TTLL5: variants seen among roughly 807,000 people sequenced by gnomAD.
The protein encoded by TTLL5 is tubulin tyrosine ligase like 5, also known as tubulin polyglutamylase TTLL5.
In TTLL5, 132 loss-of-function variants were observed where a neutral mutation model predicts 168.4. That is an observed-to-expected ratio of 0.78 (90% CI 0.68 to 0.91). The LOEUF (loss-of-function observed/expected upper bound fraction) is 0.91. Ranked by LOEUF, TTLL5 falls within the 40% of genes least tolerant of loss-of-function variation. The pLI is 0.00. For synonymous variants in TTLL5, 546 were observed against 558.6 expected, an observed-to-expected ratio of 0.98 and a Z score of 0.32; for missense variants, 1,545 against 1,581.5, an observed-to-expected ratio of 0.98 and a Z score of 0.39.
intron 31 of TTLL5, among the ~76,000 whole-genome samples, chr14:75,939,630 C>T (rs934616145): frequency 6.6e-6 from 1 of 152,166 alleles, no homozygotes; most frequent in Non-Finnish European, 1.5e-5. Flanking sequence ...TTCAAGCGAT[C>T]CTCCTGCCTC....
intron 31 of TTLL5, among the ~76,000 whole-genome samples, chr14:75,948,704 T>C (rs976901454): frequency 1.3e-5 from 2 of 151,804 alleles, no homozygotes; most frequent in Non-Finnish European, 2.9e-5. Flanking sequence ...AATAAAGATA[T>C]AGAGGAAAAT....
At chr14:75,886,846 C>T in intron 30 of TTLL5, 1 of 1,524,468 alleles carries the variant, frequency 6.6e-7, no homozygotes. Flanking sequence ...ATCATACTCT[C>T]CAGGAAATAT....
intron 18 of TTLL5, among the ~76,000 whole-genome samples, chr14:75,754,277 G>C (rs1890117619): frequency 6.6e-6 from 1 of 152,084 alleles, no homozygotes; most frequent in South Asian, 2.1e-4. Context: ...ATTTTAGATT[G>C]TTTAAAGTTC....
At chr14:75,691,163 A>G (rs955762508) in intron 6 of TTLL5, among the ~76,000 whole-genome samples, 1 of 152,192 alleles carries the variant, frequency 6.6e-6, no homozygotes, top group Non-Finnish European at 1.5e-5. Flanking sequence ...CCAAATAGGC[A>G]CCTAAGTGTC....
rs550286166 is a variant in TTLL5, at chr14:75,903,771, G to A, written c.3823+1547G>A. Among the ~76,000 whole-genome samples the A allele has an allele frequency of 1.3e-4, 20 of 151,560 alleles. 1 individual carries two copies. In the South Asian group the frequency reaches 3.8e-3, roughly 29 times the overall value. ...TTAGCCAGGTGTGGTGTGACATGCCGCTAGTCCTAGCTACTCAAGAGGCTG... is the reference window on the plus strand; with the variant it reads ...TTAGCCAGGTGTGGTGTGACATGCCACTAGTCCTAGCTACTCAAGAGGCTG... On this transcript the variant is annotated intron_variant, in intron 31 of 31. Coordinates refer to ENST00000298832, the MANE Select transcript of TTLL5 (RefSeq NM_015072.5).
At chr14:75,852,866 A>C (rs1206307617) in intron 28 of TTLL5, among the ~76,000 whole-genome samples, 3 of 152,198 alleles carry the variant, frequency 2.0e-5, no homozygotes, top group African/African-American at 4.8e-5. Context: ...ACTGACAGTT[A>C]TTAACAGTTA....
intron 6 of TTLL5, among the ~76,000 whole-genome samples, chr14:75,696,490 T>C (rs188598292): frequency 6.6e-6 from 1 of 152,272 alleles, no homozygotes; most frequent in East Asian, 1.9e-4. Context: ...CTGGGGAAAA[T>C]GGCAAAGTGA....
chr14:75,907,270 T>C (rs2033182797), intron 31 of TTLL5, among the ~76,000 whole-genome samples: 1 of 152,182 alleles, frequency 6.6e-6, no homozygotes, highest in Non-Finnish European at 1.5e-5. Context: ...CAAAAAAAGC[T>C]CATACACCGA....
At chr14:75,873,743 C>T (rs1000254114) in intron 29 of TTLL5, among the ~76,000 whole-genome samples, 29 of 152,076 alleles carry the variant, frequency 1.9e-4, no homozygotes, top group Non-Finnish European at 4.1e-4. Context: ...GTTCCTTTTA[C>T]ATCTTGGCTA....
intron 26 of TTLL5, among the ~76,000 whole-genome samples, chr14:75,791,801 A>G (rs1892745254): frequency 1.3e-5 from 2 of 152,340 alleles, no homozygotes; most frequent in Admixed American, 1.3e-4. Context: ...TTATATTAGC[A>G]TTAATTTTAA....
At chr14:75,691,107 C>G (rs999766741) in intron 6 of TTLL5, among the ~76,000 whole-genome samples, 1 of 152,122 alleles carries the variant, frequency 6.6e-6, no homozygotes, top group Non-Finnish European at 1.5e-5. Context: ...TAGTCACATT[C>G]TCTCCCCTTT....
At chr14:75,675,062 GT>G (rs1218859834) in intron 3 of TTLL5, among the ~76,000 whole-genome samples, 1 of 151,940 alleles carries the variant, frequency 6.6e-6, no homozygotes, top group Non-Finnish European at 1.5e-5. Flanking sequence ...ATACTCAATT[GT>G]TTCTTCCCCT....
intron 31 of TTLL5, among the ~76,000 whole-genome samples, chr14:75,948,609 G>T (rs1343809918): frequency 2.0e-5 from 3 of 152,030 alleles, no homozygotes; most frequent in African/African-American, 7.2e-5. Context: ...GAAAGTTAAT[G>T]TGCCAAGTAT....
At position 75,882,907 on chromosome 14, in the gene TTLL5, G is replaced by GT. The variant is rs1447080954; in HGVS notation, c.3740+12dup. On this transcript the variant is annotated splice_donor_region_variant and intron_variant, in intron 30 of 31. Transcript: ENST00000298832. ...AACATCCCAGAAAGCTTCCAAGTAA[G>GT]TTTTTTTCTGTTCAATTTCTACTGA... The GT allele has an allele frequency of 2.5e-6, 4 of 1,613,040 alleles. No individual in the cohort carries two copies. The highest frequency in any genetic ancestry group is 2.7e-5 in the African/African-American group (2 of 74,868).
chr14:75,863,880 TTTTCC>T lies in TTLL5; in HGVS notation c.3522+19_3522+23del. On this transcript the variant is annotated intron_variant, in intron 29 of 31. Coordinates refer to ENST00000298832, the MANE Select transcript of TTLL5 (RefSeq NM_015072.5). ...GGCACCAGGTAATTCAAGATAAGTC[TTTTCC>T]ATGTGTTATATCTTCCTGCTGTTGG... 2 of 1,489,922 alleles carry T rather than the reference TTTTCC, an allele frequency of 1.3e-6. No homozygotes were observed. The highest frequency in any genetic ancestry group is 1.8e-6 in the Non-Finnish European group (2 of 1,103,546). The allele number at this position is 1,489,922 out of a possible 1,614,324, so 92.3% of individuals were successfully genotyped here.
intron 9 of TTLL5, chr14:75,711,208 G>C (rs957034783): frequency 2.6e-5 from 4 of 152,168 alleles, no homozygotes; most frequent in Admixed American, 2.0e-4. Context: ...TGTTGCAATT[G>C]TCCCCCTGGT....
At chr14:75,764,524 T>C in intron 18 of TTLL5, 91 bp from the exon 19 acceptor site, 2 of 1,473,964 alleles carry the variant, frequency 1.4e-6, no homozygotes, top group Middle Eastern at 1.8e-4. Flanking sequence ...ATGTCCAGTA[T>C]GTCAGCATTA....
chr14:75,687,414 C>T (rs1244958452), intron 5 of TTLL5, among the ~76,000 whole-genome samples: 1 of 152,102 alleles, frequency 6.6e-6, no homozygotes, highest in African/African-American at 2.4e-5. Flanking sequence ...GCTGGGACTA[C>T]AGGCATGCAC....
Position 75,843,877 on chromosome 14 carries a change from G to GTTTTATTTTATTTTATTTTATTTTA in TTLL5, c.3327-19780_3327-19756dup, listed in dbSNP as rs1555350794. Among the ~76,000 whole-genome samples, 381 of 130,698 alleles carry GTTTTATTTTATTTTATTTTATTTTA rather than the reference G, an allele frequency of 2.9e-3. 7 individuals are homozygous for GTTTTATTTTATTTTATTTTATTTTA. Among genetic ancestry groups the GTTTTATTTTATTTTATTTTATTTTA allele is most frequent in the Middle Eastern group, 0.014 (4 of 278 alleles). 85.7% of individuals were successfully genotyped at this position (130,698 alleles called of 152,430 possible). On this transcript the variant is annotated intron_variant, in intron 28 of 31. Transcript: ENST00000298832. Reference sequence around the variant, plus strand: ...ATTTTATTTTGTTTTGTTTTGTTTTGTTTTATTTTATTTTATTTTATTTTA... The same window carrying GTTTTATTTTATTTTATTTTATTTTA: ...ATTTTATTTTGTTTTGTTTTGTTTTGTTTTATTTTATTTTATTTTATTTTATTTTATTTTATTTTATTTTATTTTA...
Sources: allele counts gnomAD v4.1 joint callset (sites outside exome capture counted in the v4.1 genomes callset), GRCh38; gene constraint gnomAD v4.1.1; transcripts MANE v1.5; gene names NCBI Gene and HGNC (gene_info 2026-07-23, HGNC 2026-07-21).